The following VSTM2L variants were observed in gnomAD, a reference collection of about 807,000 sequenced individuals.
The protein encoded by VSTM2L is V-set and transmembrane domain containing 2 like.
In VSTM2L, 9 loss-of-function variants were observed where a neutral mutation model predicts 19.9. The observed-to-expected ratio is 0.45, with a 90% confidence interval of 0.27 to 0.79. The LOEUF is 0.79. Among genes scored for constraint, VSTM2L ranks in the 30% least tolerant of loss-of-function variants. The pLI is 0.15. For synonymous variants in VSTM2L, 127 were observed against 133.8 expected (o/e 0.95, Z 0.35); for missense variants, 286 against 295.5 (o/e 0.97, Z 0.24).
rs761821209 is a variant in VSTM2L at position 37,931,671 on chromosome 20, G to A, written c.158G>A (p.Arg53Gln). The change falls in exon 2 of 4, where the codon CGG (arginine) becomes CAG (glutamine). Residue 53 changes from arginine (R) to glutamine (Q), a missense_variant. By Grantham distance (43) the Arg-to-Gln change is conservative (BLOSUM62 1). Coordinates refer to ENST00000373461, the MANE Select transcript of VSTM2L (RefSeq NM_080607.3). ...GAGACACCCCATGACATGACAGCAC[G>A]GACGGGCGAGGACGTGGAGATGGCC... ...FTETPHDMTA[R>Q]TGEDVEMACS... 31 of 1,613,312 alleles carry A rather than the reference G, an allele frequency of 1.9e-5. No individual in the cohort carries two copies. The highest frequency in any genetic ancestry group is 2.7e-5 in the African/African-American group (2 of 74,938).
At chr20:37,929,094 C>T (rs1042815744) in intron 1 of VSTM2L, among the ~76,000 whole-genome samples, 1 of 152,072 alleles carries the variant, frequency 6.6e-6, no homozygotes. Flanking sequence ...TTTGAAGTGC[C>T]GGGTTTAAAT....
At chr20:37,933,079 A>C (rs1191693588) in intron 2 of VSTM2L, among the ~76,000 whole-genome samples, 2 of 152,230 alleles carry the variant, frequency 1.3e-5, no homozygotes, top group Non-Finnish European at 2.9e-5. Context: ...GGAAGCTTCC[A>C]GGGTCAGTTT....
chr20:37,931,590 G>T (rs373809895), intron 1 of VSTM2L, 45 bp from the exon 2 acceptor site: 2 of 1,471,052 alleles, frequency 1.4e-6, no homozygotes, highest in Admixed American at 3.6e-5. Flanking sequence ...CACTAGCCCC[G>T]TGGTTTCCTG....
In VSTM2L at chr20:37,945,197, C is replaced by T; in HGVS notation, c.*944C>T. 1.0e-6 allele frequency: 1 copy of T among 985,492 alleles called. No individual in the cohort carries two copies. The highest frequency in any genetic ancestry group is 1.2e-6 in the Non-Finnish European group (1 of 829,938). The allele number at this position is 985,492 out of a possible 1,614,324, so 61.0% of individuals were successfully genotyped here. A position where few individuals can be genotyped will look rare whatever the true frequency, so the allele number is the denominator to read the frequency against. Reference sequence around the variant, plus strand: ...AAATATTTCTATTGGACCCAATTCTCCTCGGAATTGGCTGGCACCTCTGGC... The same window carrying T: ...AAATATTTCTATTGGACCCAATTCTTCTCGGAATTGGCTGGCACCTCTGGC... On this transcript the variant is annotated 3_prime_UTR_variant, in exon 4 of 4. Coordinates refer to ENST00000373461, the MANE Select transcript of VSTM2L (RefSeq NM_080607.3).
intron 1 of VSTM2L, among the ~76,000 whole-genome samples, chr20:37,921,634 C>A (rs2072851484): frequency 6.6e-6 from 1 of 151,496 alleles, no homozygotes; most frequent in Admixed American, 6.6e-5. Flanking sequence ...AATGAGCAAA[C>A]ATGTAATAGG....
intron 1 of VSTM2L, among the ~76,000 whole-genome samples, chr20:37,923,522 G>T (rs1407908836): frequency 1.3e-5 from 2 of 152,212 alleles, no homozygotes; most frequent in Non-Finnish European, 2.9e-5. Context: ...TGTCTTCCCA[G>T]CGAGCCCAGC....
In VSTM2L at chr20:37,944,518, G is replaced by A. The variant is rs2072997017; in HGVS notation, c.*265G>A. 1 of 1,218,444 alleles carries A rather than the reference G, an allele frequency of 8.2e-7. No homozygotes were observed. The highest frequency in any genetic ancestry group is 1.0e-6 in the Non-Finnish European group (1 of 979,660). 75.5% of individuals were successfully genotyped at this position (1,218,444 alleles called of 1,614,324 possible). ...GCCAACCGCCCTGAACACTGGGGCA[G>A]GGACCATGCTGGGGCCCGGGGCCAC... On this transcript the variant is annotated 3_prime_UTR_variant, in exon 4 of 4. Transcript: ENST00000373461.
chr20:37,922,888 G>C (rs73908024), intron 1 of VSTM2L, among the ~76,000 whole-genome samples: 3 of 152,180 alleles, frequency 2.0e-5, no homozygotes, highest in Non-Finnish European at 4.4e-5. Context: ...CGGTGGGTGA[G>C]GGGCTGCAGG....
chr20:37,936,359 G>A (rs1215578462), intron 3 of VSTM2L, among the ~76,000 whole-genome samples: 5 of 152,150 alleles, frequency 3.3e-5, no homozygotes, highest in African/African-American at 7.2e-5. Flanking sequence ...TAAAAATCCC[G>A]ATTTTAGTGG....
chr20:37,925,512 T>C (rs2072874781), intron 1 of VSTM2L, among the ~76,000 whole-genome samples: 1 of 151,912 alleles, frequency 6.6e-6, no homozygotes, highest in African/African-American at 2.4e-5. Flanking sequence ...ACAGCGGGCT[T>C]CTCCCTCCGG....
chr20:37,913,894 G>T (rs912214370), intron 1 of VSTM2L, among the ~76,000 whole-genome samples: 2 of 152,250 alleles, frequency 1.3e-5, no homozygotes, highest in South Asian at 2.1e-4. Context: ...TGGGGAGGGC[G>T]CACGGCCAGG....
chr20:37,927,607 G>A (rs1288929620), intron 1 of VSTM2L, among the ~76,000 whole-genome samples: 2 of 152,320 alleles, frequency 1.3e-5, no homozygotes, highest in East Asian at 1.9e-4. Flanking sequence ...GGGCTGCTGA[G>A]TTACCCTATA....
At chr20:37,925,027 A>G (rs557788277) in intron 1 of VSTM2L, among the ~76,000 whole-genome samples, 2 of 152,288 alleles carry the variant, frequency 1.3e-5, no homozygotes, top group African/African-American at 2.4e-5. Flanking sequence ...CCGAGCCTCA[A>G]TTTCCTCATC....
intron 3 of VSTM2L, 50 bp downstream of exon 3, chr20:37,933,639 T>C (rs1392026535): frequency 6.2e-7 from 1 of 1,600,058 alleles, no homozygotes; most frequent in Non-Finnish European, 8.6e-7. Context: ...AGGGCACAGC[T>C]GTGACTTAAA....
At chr20:37,942,743 A>G (rs1321077513) in intron 3 of VSTM2L, among the ~76,000 whole-genome samples, 2 of 152,194 alleles carry the variant, frequency 1.3e-5, no homozygotes, top group Admixed American at 6.5e-5. Flanking sequence ...CACAGGAAAC[A>G]TTTCCTCAGG....
intron 1 of VSTM2L, among the ~76,000 whole-genome samples, chr20:37,924,183 G>C (rs2072867391): frequency 6.6e-6 from 1 of 152,226 alleles, no homozygotes; most frequent in South Asian, 2.1e-4. Flanking sequence ...GCTGCGATGA[G>C]CTATGTTCAG....
chr20:37,928,870 T>C (rs1463988027), intron 1 of VSTM2L, among the ~76,000 whole-genome samples: 3 of 152,214 alleles, frequency 2.0e-5, no homozygotes, highest in Non-Finnish European at 4.4e-5. Flanking sequence ...TGCTGTCCAA[T>C]ACAATAGCCA....
At chr20:37,933,736 G>GT in intron 3 of VSTM2L, 147 bp downstream of exon 3, 1 of 736,084 alleles carries the variant, frequency 1.4e-6, no homozygotes, top group Non-Finnish European at 2.2e-6. Context: ...GCCTTGCTCT[G>GT]TTTTTTAAAA....
chr20:37,908,981 G>A (rs908628642), intron 1 of VSTM2L, among the ~76,000 whole-genome samples: 5 of 152,170 alleles, frequency 3.3e-5, no homozygotes, highest in Admixed American at 6.5e-5. Flanking sequence ...ACTCGGGGAG[G>A]TTAAGTGGCT....
Sources: allele counts gnomAD v4.1 joint callset (sites outside exome capture counted in the v4.1 genomes callset), GRCh38; gene constraint gnomAD v4.1.1; transcripts MANE v1.5; gene names NCBI Gene and HGNC (gene_info 2026-07-23, HGNC 2026-07-21).